The following MRPL37 variants were observed in gnomAD, a reference collection of about 807,000 sequenced individuals.
MRPL37 encodes mitochondrial ribosomal protein L37.
MRPL37 carries 34 observed loss-of-function variants against 44.1 expected under a neutral mutation model. That is an observed-to-expected ratio of 0.77 (90% CI 0.59 to 1.03). The LOEUF (loss-of-function observed/expected upper bound fraction) is 1.03. Among genes scored for constraint, MRPL37 ranks in the 50% least tolerant of loss-of-function variants. MRPL37 has a pLI of 0.00. For synonymous variants in MRPL37, 212 were observed against 219.5 expected (o/e 0.97, Z 0.30); for missense variants, 532 against 543.7 (o/e 0.98, Z 0.21).
At chr1:54,206,439 T>G (rs145079208) in intron 3 of MRPL37, among the ~76,000 whole-genome samples, 1 of 151,894 alleles carries the variant, frequency 6.6e-6, no homozygotes, top group Non-Finnish European at 1.5e-5. Context: ...AGACAGAGTC[T>G]TGCTGTGTCG....
intron 1 of MRPL37, among the ~76,000 whole-genome samples, 186 bp downstream of exon 1, chr1:54,200,775 G>A (rs1269218184): frequency 1.3e-5 from 2 of 152,236 alleles, no homozygotes; most frequent in African/African-American, 4.8e-5. Context: ...CTGGGCCTCT[G>A]TGCAGGAGTA....
At chr1:54,208,019 G>A (rs572178418) in intron 3 of MRPL37, among the ~76,000 whole-genome samples, 52 of 152,304 alleles carry the variant, frequency 3.4e-4, no homozygotes, top group Non-Finnish European at 6.3e-4. Flanking sequence ...GGCACATTTT[G>A]TCTGGTGGTA....
downstream of MRPL37, among the ~76,000 whole-genome samples, chr1:54,219,812 A>G (rs1384045174): frequency 3.9e-5 from 6 of 152,132 alleles, no homozygotes; most frequent in African/African-American, 1.4e-4. Context: ...GAGTCATCCT[A>G]TTTACAGCCT....
chr1:54,221,283 G>C (rs1029492637), downstream of MRPL37, among the ~76,000 whole-genome samples: 1 of 152,204 alleles, frequency 6.6e-6, no homozygotes, highest in Non-Finnish European at 1.5e-5. Context: ...ACCCACAGGA[G>C]CAGGACAGGA....
At chr1:54,220,357 G>A (rs1321049211), downstream of MRPL37, among the ~76,000 whole-genome samples, 1 of 152,218 alleles carries the variant, frequency 6.6e-6, no homozygotes, top group Non-Finnish European at 1.5e-5. Flanking sequence ...GGCCTGGGCA[G>A]CCTGTCCTCC....
chr1:54,208,079 A>G (rs1339198039), intron 3 of MRPL37, among the ~76,000 whole-genome samples: 2 of 152,242 alleles, frequency 1.3e-5, no homozygotes, highest in Non-Finnish European at 2.9e-5. Context: ...ATGCATGTTC[A>G]CAATGGCTGG....
chr1:54,206,592 T>G (rs1644124370), intron 3 of MRPL37, among the ~76,000 whole-genome samples: 1 of 152,074 alleles, frequency 6.6e-6, no homozygotes, highest in Non-Finnish European at 1.5e-5. Context: ...GTATTTTTAT[T>G]GGAGATGGGG....
intron 6 of MRPL37, among the ~76,000 whole-genome samples, chr1:54,217,646 T>C (rs1041891954): frequency 6.6e-6 from 1 of 152,226 alleles, no homozygotes; most frequent in Non-Finnish European, 1.5e-5. Context: ...CACCCTTCCA[T>C]GTATAAATGT....
At chr1:54,206,850 T>G (rs1441134386) in intron 3 of MRPL37, among the ~76,000 whole-genome samples, 1 of 151,986 alleles carries the variant, frequency 6.6e-6, no homozygotes, top group Non-Finnish European at 1.5e-5. Flanking sequence ...TTCTCCTGTC[T>G]CAGCCTCTCA....
downstream of MRPL37, among the ~76,000 whole-genome samples, chr1:54,224,291 A>G (rs138481172): frequency 1.3e-3 from 205 of 152,332 alleles, 1 homozygote; most frequent in African/African-American, 4.7e-3. Flanking sequence ...TCCAAGGTGA[A>G]GAGGGAAGGA....
intron 6 of MRPL37, among the ~76,000 whole-genome samples, chr1:54,217,795 C>T (rs539445972): frequency 6.6e-6 from 1 of 152,312 alleles, no homozygotes; most frequent in Admixed American, 6.5e-5. Context: ...ACTGCTGTGT[C>T]TGTTTCCAGC....
intron 6 of MRPL37, among the ~76,000 whole-genome samples, chr1:54,217,352 C>T (rs1644205143): frequency 6.6e-6 from 1 of 152,210 alleles, no homozygotes; most frequent in Admixed American, 6.5e-5. Flanking sequence ...CACCTCCGTG[C>T]TCTCTGCTCT....
intron 5 of MRPL37, among the ~76,000 whole-genome samples, chr1:54,215,766 T>A (rs149232602): frequency 1.3e-4 from 20 of 152,352 alleles, no homozygotes; most frequent in African/African-American, 4.1e-4. Context: ...TCACATTTGA[T>A]AGCTGATGTC....
chr1:54,204,925 G>A, intron 1 of MRPL37, 93 bp from the exon 2 acceptor site: 1 of 1,420,560 alleles, frequency 7.0e-7, no homozygotes, highest in Non-Finnish European at 9.5e-7. Context: ...ACTTGAGGCA[G>A]CCTTTTTACT....
At chr1:54,221,136 G>A (rs1045836753), downstream of MRPL37, among the ~76,000 whole-genome samples, 2 of 122,128 alleles carry the variant, frequency 1.6e-5, no homozygotes, top group Non-Finnish European at 3.5e-5. Context: ...CAAGTCGATG[G>A]GTTTGGAGTT....
At chr1:54,221,672 C>T (rs145257715), downstream of MRPL37, among the ~76,000 whole-genome samples, 1,173 of 151,888 alleles carry the variant, frequency 7.7e-3, 11 homozygotes, top group Middle Eastern at 0.014. Context: ...CAGTCACACT[C>T]CCACCCACAC....
chr1:54,200,498 A>G lies in MRPL37; in HGVS notation c.255A>G (p.Pro85=), dbSNP rs751673631. ...FPPWDRGYKD[P]RFYRSPPLHE... is the part of the protein sequence containing the mutation. ...CCTGGGACCGCGGCTACAAGGACCC[A>G]AGGTTCTACCGCTCGCCCCCTCTTC... Residue 85 remains proline (P), a synonymous_variant, in exon 1 of 7, where the codon CCA becomes CCG. Transcript: ENST00000360840. 1.2e-6 allele frequency: 2 copies of G among 1,614,166 alleles called. No individual in the cohort carries two copies. Among genetic ancestry groups the G allele is most frequent in the Admixed American group, 1.7e-5 (1 of 60,028 alleles).
chr1:54,220,524 G>A, downstream of MRPL37: 2 of 392,278 alleles, frequency 5.1e-6, no homozygotes, highest in South Asian at 3.9e-5. Flanking sequence ...TTGTCCCCAT[G>A]GAGATGAGGA....
chr1:54,225,124 GAAAAATAAA>G, downstream of MRPL37: 1 of 1,234,338 alleles, frequency 8.1e-7, no homozygotes, highest in Non-Finnish European at 1.0e-6. Flanking sequence ...TCTACTTCCA[GAAAAATAAA>G]AGACATTCCA....
Sources: gnomAD v4.1 joint callset for allele counts (sites outside exome capture counted in the v4.1 genomes callset) on GRCh38, gnomAD v4.1.1 for gene constraint, MANE v1.5 for transcripts, NCBI Gene and HGNC (gene_info 2026-07-23, HGNC 2026-07-21) for gene names.